Variants in PWWP2A observed in about 807,000 individuals in gnomAD.
The protein encoded by PWWP2A is PWWP domain containing 2A, also known as PWWP domain-containing protein 2A.
Under a neutral mutation model 48.5 loss-of-function variants are expected in PWWP2A, and 18 were observed. That is an observed-to-expected ratio of 0.37 (90% CI 0.26 to 0.55). The LOEUF is 0.55. PWWP2A is among the 20% of genes least tolerant of loss of function. The pLI is 0.81. For missense variants in PWWP2A, 867 were observed against 976.4 expected, an observed-to-expected ratio of 0.89 and a Z score of 1.49; for synonymous variants, 396 against 387.7, an observed-to-expected ratio of 1.02 and a Z score of -0.25.
downstream of PWWP2A, among the ~76,000 whole-genome samples, chr5:160,061,588 T>C (rs1753401939): frequency 6.6e-6 from 1 of 152,216 alleles, no homozygotes; most frequent in Admixed American, 6.5e-5. Context: ...TGTGTGCCTT[T>C]TATTATGTGT....
chr5:160,045,552 TCC>T, the PWWP2A span, among the ~76,000 whole-genome samples: 309 of 87,534 alleles, frequency 3.5e-3, 9 homozygotes, highest in Middle Eastern at 0.018. Context: ...TCTCTCTCTC[TCC>T]CCCTCCCCTC....
the PWWP2A span, among the ~76,000 whole-genome samples, chr5:160,044,807 A>G: frequency 9.9e-5 from 15 of 152,162 alleles, no homozygotes; most frequent in Admixed American, 9.2e-4. Context: ...AGTAGGTCTC[A>G]GCCTTATTTT....
At position 160,092,912 on chromosome 5, in the gene PWWP2A, C is replaced by G; in HGVS notation, c.1738G>C (p.Ala580Pro). ...GTGCTATCAATGCTACACACTGAAG[C>G]ACTGGAAGAGTCAGATTTCTTTTGA... ...LNQKKSDSSS[A>P]SVCSIDSTDD... The change falls in exon 2 of 2, where the codon GCT (alanine) becomes CCT (proline). Residue 580 changes from alanine to proline, a missense_variant. By Grantham distance (27) the Ala-to-Pro change is conservative. This residue lies in a region of PWWP2A where 382 missense variants were observed against 407.2 expected (regional missense o/e 0.94). Coordinates refer to ENST00000307063, the MANE Select transcript of PWWP2A (RefSeq NM_001130864.2). 1 of 1,551,690 alleles carries G rather than the reference C, an allele frequency of 6.4e-7. No individual in the cohort carries two copies. Among genetic ancestry groups the G allele is most frequent in the Non-Finnish European group, 8.7e-7 (1 of 1,146,982 alleles).
At position 160,077,790 on chromosome 5, in the gene PWWP2A, CATCCCATGCCTTTTAGGCCTGTCCAA is replaced by C. The variant is rs1322870577; in HGVS notation, c.*339_*364del. 2.0e-5 allele frequency: 4 copies of C among 201,096 alleles called. No homozygotes were observed. Among genetic ancestry groups the C allele is most frequent in the Non-Finnish European group, 4.1e-5 (4 of 98,434 alleles). 12.5% of individuals were successfully genotyped at this position (201,096 alleles called of 1,614,324 possible). A position where few individuals can be genotyped will look rare whatever the true frequency, so the allele number is the denominator to read the frequency against. ...GAAAAATAATTCAGCATTTCTGCAT[CATCCCATGCCTTTTAGGCCTGTCCAA>C]ACTGTACTGATAAGAACTTCACATT... On this transcript the variant is annotated 3_prime_UTR_variant, in exon 4 of 4. Coordinates refer to the PWWP2A transcript ENST00000456329. The surrounding 1 kb of genome is among the most constrained non-coding windows in gnomAD (Gnocchi z 4.2).
intron 2 of PWWP2A, among the ~76,000 whole-genome samples, chr5:160,068,418 G>A (rs1185369070): frequency 3.3e-5 from 5 of 151,886 alleles, no homozygotes; most frequent in Admixed American, 2.6e-4. Context: ...TGGCCAATGT[G>A]GTGAAACCTC....
At chr5:160,074,309 A>C (rs932428986), downstream of PWWP2A, among the ~76,000 whole-genome samples, 4 of 150,566 alleles carry the variant, frequency 2.7e-5, no homozygotes, top group Non-Finnish European at 5.9e-5. Flanking sequence ...GTTGTGGCAC[A>C]TGCCTGTAAT....
chr5:160,049,974 G>A, the PWWP2A span, among the ~76,000 whole-genome samples: 1 of 152,248 alleles, frequency 6.6e-6, no homozygotes, highest in Non-Finnish European at 1.5e-5. Context: ...AGCTACTCGG[G>A]AGGCAGGAGA....
At chr5:160,066,296 A>ATTTTTTTTTTTTTTTTT (rs59262456) in intron 4 of PWWP2A, among the ~76,000 whole-genome samples, 5 of 94,758 alleles carry the variant, frequency 5.3e-5, no homozygotes, top group Non-Finnish European at 8.0e-5. Context: ...AGTGGTTCTC[A>ATTTTTTTTTTTTTTTTT]TTTTTTTTTT....
chr5:160,118,946 C>G lies in PWWP2A; in HGVS notation c.443G>C (p.Gly148Ala), dbSNP rs1489929192. The G allele has an allele frequency of 6.3e-7, 1 of 1,598,702 alleles. No individual in the cohort carries two copies. Among genetic ancestry groups the G allele is most frequent in the South Asian group, 1.1e-5 (1 of 89,588 alleles). Residue 148 changes from glycine to alanine, a missense_variant, in exon 1 of 2, where the codon GGC becomes GCC. Gly to Ala is a moderately conservative substitution (Grantham distance 60). This residue lies in a region of PWWP2A where 385 missense variants were observed against 396.9 expected (regional missense o/e 0.97). Coordinates refer to ENST00000307063, the MANE Select transcript of PWWP2A (RefSeq NM_001130864.2). ...CAGTTGCGACACCGTGGAGTCCCCG[C>G]CCGCCGGCGGCACGAGCGCCGGGGC... Reference protein sequence around the residue: ...PVAPALVPPAGGDSTVSQLIP... With the variant: ...PVAPALVPPAAGDSTVSQLIP...
At chr5:160,103,922 GA>G (rs1456088086) in intron 1 of PWWP2A, among the ~76,000 whole-genome samples, 2 of 151,726 alleles carry the variant, frequency 1.3e-5, no homozygotes, top group Admixed American at 6.6e-5. Flanking sequence ...AGGAGTTCAA[GA>G]CCAGCCTGGC....
chr5:160,091,376 G>GTT lies in PWWP2A; in HGVS notation c.*1004_*1005dup, dbSNP rs368598091. Reference sequence around the variant, plus strand: ...TGATTTTATTTACAGCTTTTTTTTGGTTTTTTTTTTTTTTTTTACATTTCA... The same window carrying GTT: ...TGATTTTATTTACAGCTTTTTTTTGGTTTTTTTTTTTTTTTTTTTACATTTCA... On this transcript the variant is annotated 3_prime_UTR_variant, in exon 2 of 2. Coordinates refer to ENST00000307063, the MANE Select transcript of PWWP2A (RefSeq NM_001130864.2). 3,725 of 872,388 alleles carry GTT rather than the reference G, an allele frequency of 4.3e-3. 2 individuals are homozygous for GTT. The highest frequency in any genetic ancestry group is 0.011 in the South Asian group (214 of 18,742). 54.0% of individuals were successfully genotyped at this position (872,388 alleles called of 1,614,324 possible).
At chr5:160,062,094 C>T (rs1454049358) in intron 5 of PWWP2A, 1 of 152,252 alleles carries the variant, frequency 6.6e-6, no homozygotes, top group Non-Finnish European at 1.5e-5. Context: ...ACTCTGTCCC[C>T]TGCATTTGGA....
the PWWP2A span, among the ~76,000 whole-genome samples, chr5:160,053,148 G>T: frequency 6.6e-6 from 1 of 150,726 alleles, no homozygotes; most frequent in African/African-American, 2.5e-5. Flanking sequence ...CATGTTCTGT[G>T]AGATTCCCTA....
At chr5:160,105,934 T>G (rs1344407377) in intron 1 of PWWP2A, among the ~76,000 whole-genome samples, 1 of 152,162 alleles carries the variant, frequency 6.6e-6, no homozygotes, top group African/African-American at 2.4e-5. Context: ...TATGAACAAG[T>G]AGGTTTCACT....
chr5:160,052,548 C>CAAAAAA, the PWWP2A span, among the ~76,000 whole-genome samples: 53 of 68,090 alleles, frequency 7.8e-4, 9 homozygotes, highest in African/African-American at 1.8e-3. Context: ...TCTATTTTAG[C>CAAAAAA]AAAAAAAAAA....
intron 1 of PWWP2A, among the ~76,000 whole-genome samples, chr5:160,101,354 A>G (rs1756266761): frequency 6.6e-6 from 1 of 152,242 alleles, no homozygotes; most frequent in Non-Finnish European, 1.5e-5. Context: ...TGTCTCAAAA[A>G]AAAAGGAAAT....
Position 160,107,747 on chromosome 5 carries a change from G to T in PWWP2A, c.584+11058C>A, listed in dbSNP as rs549768007. ...GAAACCCCAAGTCCAGGCCAGGCGC[G>T]GTGGCTCATGCCTGTAATCCCAGCA... On this transcript the variant is annotated intron_variant, in intron 1 of 1. Transcript: ENST00000307063. Among the ~76,000 whole-genome samples the T allele has an allele frequency of 4.6e-5, 7 of 152,034 alleles. No homozygotes were observed. The East Asian group carries it at 1.4e-3, about 29-fold the overall frequency.
At position 160,078,171 on chromosome 5, in the gene PWWP2A, GA is replaced by G; in HGVS notation, c.1670-4del. 1 of 1,553,520 alleles carries G rather than the reference GA, an allele frequency of 6.4e-7. No individual in the cohort carries two copies. The highest frequency in any genetic ancestry group is 8.7e-7 in the Non-Finnish European group (1 of 1,146,316). ...AGCAGCCTGCTAATGTCTTTGTGCTGAAATATAGTAAAGAAAAGGAAGAAAA... is the reference window on the plus strand; with the variant it reads ...AGCAGCCTGCTAATGTCTTTGTGCTGAATATAGTAAAGAAAAGGAAGAAAA... On this transcript the variant is annotated splice_polypyrimidine_tract_variant and splice_region_variant and intron_variant, in intron 3 of 3. Transcript: ENST00000456329. The surrounding 1 kb of genome is among the most constrained non-coding windows in gnomAD (Gnocchi z 4.2).
intron 2 of PWWP2A, among the ~76,000 whole-genome samples, chr5:160,069,590 A>G (rs1581140769): frequency 6.6e-6 from 1 of 152,238 alleles, no homozygotes; most frequent in Non-Finnish European, 1.5e-5. Flanking sequence ...GGCTGAGCAC[A>G]GTGGCTCAAG....
Sources: gnomAD v4.1 joint callset for allele counts (sites outside exome capture counted in the v4.1 genomes callset) on GRCh38, gnomAD v4.1.1 for gene constraint, gnomAD v4.1.1 regional missense constraint, Gnocchi (gnomAD v3.1) non-coding constraint, MANE v1.5 for transcripts, NCBI Gene and HGNC (gene_info 2026-07-23, HGNC 2026-07-21) for gene names.